IGSF9B: variants seen among roughly 807,000 people sequenced by gnomAD.
IGSF9B encodes the protein protein turtle homolog B.
In IGSF9B, 48 loss-of-function variants were observed where a neutral mutation model predicts 143.7. The observed-to-expected ratio is 0.33, with a 90% CI of 0.26 to 0.42. The LOEUF is 0.42. IGSF9B is among the 20% of genes least tolerant of loss of function. The probability of loss-of-function intolerance (pLI) is 1.00; values close to 1 mark genes in which losing one functional copy is unlikely to be tolerated. For synonymous variants in IGSF9B, 903 were observed against 833.1 expected, an observed-to-expected ratio of 1.08 and a Z score of -1.44; for missense variants, 1,706 against 1,980.0, an observed-to-expected ratio of 0.86 and a Z score of 2.63.
Position 133,931,413 on chromosome 11 carries a change from C to T in IGSF9B, c.1368+40G>A. On this transcript the variant is annotated intron_variant, in intron 10 of 19. Coordinates refer to ENST00000533871, the MANE Select transcript of IGSF9B (RefSeq NM_001277285.4). This position sits in a 1 kb window ranked among gnomAD's most constrained non-coding sequence, Gnocchi z 7.7. ...GCAGCCCCAGGGCTCCCTGGGCCCT[C>T]ACACCTCCCTGCAGACCCAGGGCTC... The T allele has an allele frequency of 6.8e-7, 1 of 1,473,150 alleles. No individual in the cohort carries two copies. The highest frequency in any genetic ancestry group is 9.4e-7 in the Non-Finnish European group (1 of 1,059,538). The allele number at this position is 1,473,150 out of a possible 1,614,324, so 91.3% of individuals were successfully genotyped here. A position where few individuals can be genotyped will look rare whatever the true frequency, so the allele number is the denominator to read the frequency against.
rs370996626 is a variant in IGSF9B, at chr11:133,920,221, G to A, written c.3504C>T (p.Thr1168=). 3 of 1,515,470 alleles carry A rather than the reference G, an allele frequency of 2.0e-6. No homozygotes were observed. The East Asian group carries it at 6.9e-5, about 35-fold the overall frequency. The allele number at this position is 1,515,470 out of a possible 1,614,324, so 93.9% of individuals were successfully genotyped here. ...HGGPSTFGLD[T]RWYEPQPRPR... is the part of the protein sequence containing the mutation. ...GCCGGGGCTGGGGCTCATACCACCGGGTGTCCAGGCCAAATGTGCTGGGGC... is the reference window on the plus strand; with the variant it reads ...GCCGGGGCTGGGGCTCATACCACCGAGTGTCCAGGCCAAATGTGCTGGGGC... Residue 1168 remains threonine (T), a synonymous_variant, in exon 18 of 20, where the codon ACC becomes ACT. Transcript: ENST00000533871.
chr11:133,909,189 A>G lies in IGSF9B; in HGVS notation c.4194T>C (p.His1398=). ...GCCGGGCAAAGGGGTCAGGACGAGAATGTCTCTTCTTCTTTCGGAGGCAGA... is the reference window on the plus strand; with the variant it reads ...GCCGGGCAAAGGGGTCAGGACGAGAGTGTCTCTTCTTCTTTCGGAGGCAGA... The part of the protein sequence containing the change: ...EAVCLRKKKR[H]SRPDPFARLS... The change falls in exon 20 of 20, where the codon CAT becomes CAC. Residue 1398 remains histidine, a synonymous_variant. Coordinates refer to ENST00000533871, the MANE Select transcript of IGSF9B (RefSeq NM_001277285.4). The surrounding 1 kb of genome is among the most constrained non-coding windows in gnomAD (Gnocchi z 4.2). 1 of 1,535,914 alleles carries G rather than the reference A, an allele frequency of 6.5e-7. No individual in the cohort carries two copies. The highest frequency in any genetic ancestry group is 8.7e-7 in the Non-Finnish European group (1 of 1,146,746).
chr11:133,917,025 C>T (rs1032132450), intron 18 of IGSF9B, among the ~76,000 whole-genome samples: 3 of 152,164 alleles, frequency 2.0e-5, no homozygotes, highest in Admixed American at 2.0e-4. Context: ...CAGGGCAGTC[C>T]TCTTTATGGA....
At chr11:133,916,467 C>T (rs1939384417) in intron 18 of IGSF9B, among the ~76,000 whole-genome samples, 1 of 152,182 alleles carries the variant, frequency 6.6e-6, no homozygotes, top group Admixed American at 6.5e-5. Flanking sequence ...TGCATCTCCC[C>T]AGGACCCAGC....
At chr11:133,924,635 A>G (rs75502327) in intron 15 of IGSF9B, among the ~76,000 whole-genome samples, 185 bp downstream of exon 15, 1 of 152,140 alleles carries the variant, frequency 6.6e-6, no homozygotes, top group Non-Finnish European at 1.5e-5. Context: ...ACGAAATAGC[A>G]TGCATCATGG....
chr11:133,935,476 C>T, intron 7 of IGSF9B, 141 bp downstream of exon 7: 1 of 1,018,920 alleles, frequency 9.8e-7, no homozygotes, highest in East Asian at 2.6e-5. Context: ...TCCAGCCATC[C>T]CTCCTTCTTC....
chr11:133,933,354 T>A (rs796786743), intron 7 of IGSF9B, among the ~76,000 whole-genome samples: 19 of 152,306 alleles, frequency 1.2e-4, no homozygotes, highest in African/African-American at 4.3e-4. Flanking sequence ...AGAAGAACAC[T>A]ATCATAGGCT....
intron 12 of IGSF9B, among the ~76,000 whole-genome samples, chr11:133,927,737 C>G (rs1939653560): frequency 6.6e-6 from 1 of 152,172 alleles, no homozygotes; most frequent in Non-Finnish European, 1.5e-5. Context: ...GCTCCCAACT[C>G]CCAGCAAAGC....
intron 1 of IGSF9B, among the ~76,000 whole-genome samples, chr11:133,955,239 C>T (rs1239187872): frequency 5.3e-5 from 8 of 152,186 alleles, no homozygotes; most frequent in Admixed American, 3.3e-4. Flanking sequence ...CACATCCACC[C>T]CCCGTTCCGT....
intron 1 of IGSF9B, among the ~76,000 whole-genome samples, chr11:133,947,964 CCTCTGT>C (rs1480133554): frequency 6.6e-6 from 1 of 151,756 alleles, no homozygotes. Context: ...TCTGTGTCTC[CCTCTGT>C]CTCTTTCTCT....
chr11:133,921,244 G>A lies in IGSF9B; in HGVS notation c.2481C>T (p.Ile827=). 1 of 1,610,904 alleles carries A rather than the reference G, an allele frequency of 6.2e-7. No individual in the cohort carries two copies. Among genetic ancestry groups the A allele is most frequent in the Non-Finnish European group, 8.5e-7 (1 of 1,179,088 alleles). The change falls in exon 18 of 20, where the codon ATC becomes ATT. Residue 827 remains isoleucine, a synonymous_variant. Transcript: ENST00000533871. ...TGGCCACGCTGTACTTCTTGCTGCTGATGGCCCGCTTGGTCTTCTTGTACA... is the reference window on the plus strand; with the variant it reads ...TGGCCACGCTGTACTTCTTGCTGCTAATGGCCCGCTTGGTCTTCTTGTACA... The part of the protein sequence containing the change: ...LSLYKKTKRA[I]SSKKYSVAKA...
rs796818381 is a variant in IGSF9B, at chr11:133,938,016, GCAA to G, written c.410-58_410-56del. 222 of 1,576,204 alleles carry G rather than the reference GCAA, an allele frequency of 1.4e-4. No homozygotes were observed. In the East Asian group the frequency reaches 3.9e-3, roughly 27 times the overall value. On this transcript the variant is annotated intron_variant, in intron 3 of 19. Transcript: ENST00000533871. ...ACGCCATCAGCCACATCGCTGCCCT[GCAA>G]CAACAGTACCTGCCCCACACATCAC... is the stretch of plus-strand genomic sequence containing the variant.
Position 133,921,417 on chromosome 11 carries a change from C to A in IGSF9B, c.2328-20G>T. 6.8e-7 allele frequency: 1 copy of A among 1,470,292 alleles called. No individual in the cohort carries two copies. The allele number at this position is 1,470,292 out of a possible 1,614,324, so 91.1% of individuals were successfully genotyped here. ...GACAAGCTGCAAGGAGGAGCAAGAG[C>A]CGGGAGGGGATGAGGTGGGGCAGTG... is the stretch of plus-strand genomic sequence containing the variant. On this transcript the variant is annotated intron_variant, in intron 17 of 19. Coordinates refer to ENST00000533871, the MANE Select transcript of IGSF9B (RefSeq NM_001277285.4).
rs1555082676 is a variant in IGSF9B, at chr11:133,901,943, A to AC, written c.*7125dup. Among the ~76,000 whole-genome samples the AC allele has an allele frequency of 4.1e-3, 523 of 126,210 alleles. 5 individuals carry two copies. Among genetic ancestry groups the AC allele is most frequent in the Middle Eastern group, 0.023 (6 of 264 alleles). 82.8% of individuals were successfully genotyped at this position (126,210 alleles called of 152,430 possible). ...ACACACCAAACCACACAACACACAC[A>AC]CACATCACACACATGCACACCGCAT... On this transcript the variant is annotated 3_prime_UTR_variant, in exon 20 of 20. Coordinates refer to ENST00000533871, the MANE Select transcript of IGSF9B (RefSeq NM_001277285.4).
rs147836059 is a variant in IGSF9B, at chr11:133,901,943, A to ACAC, written c.*7123_*7125dup. On this transcript the variant is annotated 3_prime_UTR_variant, in exon 20 of 20. Transcript: ENST00000533871. ...ACACACCAAACCACACAACACACAC[A>ACAC]CACATCACACACATGCACACCGCAT... Among the ~76,000 whole-genome samples, 50,259 of 126,018 alleles carry ACAC rather than the reference A, an allele frequency of 0.4. 9,860 individuals carry two copies. The highest frequency in any genetic ancestry group is 0.65 in the East Asian group (3,064 of 4,748). 82.7% of individuals were successfully genotyped at this position (126,018 alleles called of 152,430 possible). A position where few individuals can be genotyped will look rare whatever the true frequency, so the allele number is the denominator to read the frequency against.
At chr11:133,927,941 C>T (rs1028967003) in intron 12 of IGSF9B, among the ~76,000 whole-genome samples, 2 of 152,142 alleles carry the variant, frequency 1.3e-5, no homozygotes, top group Admixed American at 6.5e-5. Context: ...AAAAAGAAGC[C>T]GGCGCCAAAC....
intron 14 of IGSF9B, 110 bp from the exon 15 acceptor site, chr11:133,925,014 C>T (rs770783679): frequency 8.4e-6 from 7 of 836,796 alleles, no homozygotes; most frequent in South Asian, 1.5e-5. Context: ...ACCCAAAGCA[C>T]AGGAGGACTG....
Position 133,897,749 on chromosome 11 carries a change from A to G in IGSF9B, c.*11320T>C, listed in dbSNP as rs1337886297. ...GTGGTTTTATTTACTTTTGAGTTAC[A>G]TACCTGAAGTTCAAAAAGTAAGCCT... On this transcript the variant is annotated 3_prime_UTR_variant, in exon 20 of 20. Transcript: ENST00000533871. 3 of 152,260 alleles carry G rather than the reference A, an allele frequency of 2.0e-5. No individual in the cohort carries two copies. Among genetic ancestry groups the G allele is most frequent in the African/African-American group, 7.2e-5 (3 of 41,464 alleles). The allele number at this position is 152,260 out of a possible 1,614,324, so 9.4% of individuals were successfully genotyped here.
intron 17 of IGSF9B, among the ~76,000 whole-genome samples, chr11:133,921,828 C>T (rs1424060727): frequency 6.6e-6 from 1 of 152,132 alleles, no homozygotes; most frequent in Non-Finnish European, 1.5e-5. Flanking sequence ...AGCAAGCTCA[C>T]TTTAATATCA....
Sources: gnomAD v4.1 joint callset for allele counts (sites outside exome capture counted in the v4.1 genomes callset) on GRCh38, gnomAD v4.1.1 for gene constraint, Gnocchi (gnomAD v3.1) non-coding constraint, MANE v1.5 for transcripts, NCBI Gene and HGNC (gene_info 2026-07-23, HGNC 2026-07-21) for gene names.